The following KIAA1217 variants were observed in gnomAD, a reference collection of about 807,000 sequenced individuals.
The protein encoded by KIAA1217 is KIAA1217, also known as sickle tail protein homolog.
Under a neutral mutation model 163.9 loss-of-function variants are expected in KIAA1217, and 88 were observed. That is an observed-to-expected ratio of 0.54 (90% confidence interval 0.45 to 0.64). KIAA1217 has a LOEUF of 0.64. Among genes scored for constraint, KIAA1217 ranks in the 30% least tolerant of loss-of-function variants. The pLI is 0.00. For missense variants in KIAA1217, 2,372 were observed against 2,475.0 expected (o/e 0.96, Z 0.88); for synonymous variants, 903 against 923.1 (o/e 0.98, Z 0.39).
chr10:23,860,032 A>G (rs1839879828), intron 1 of KIAA1217, among the ~76,000 whole-genome samples: 1 of 152,130 alleles, frequency 6.6e-6, no homozygotes, highest in Admixed American at 6.5e-5. Context: ...TTGTCTATGT[A>G]TAGGAGGGCT....
intron 1 of KIAA1217, among the ~76,000 whole-genome samples, chr10:23,824,655 AAAAATATAT>A (rs1837802198): frequency 9.3e-6 from 1 of 107,826 alleles, no homozygotes; most frequent in Non-Finnish European, 1.8e-5. Context: ...AAAAAATAAA[AAAAATATAT>A]ATATATATAT....
intron 1 of KIAA1217, among the ~76,000 whole-genome samples, chr10:23,803,142 T>C (rs1836554072): frequency 6.6e-6 from 1 of 152,198 alleles, no homozygotes; most frequent in Non-Finnish European, 1.5e-5. Context: ...GTTGACTCAC[T>C]GTCCTAAGAA....
At chr10:23,737,957 T>A (rs1383076728) in intron 1 of KIAA1217, among the ~76,000 whole-genome samples, 1 of 152,118 alleles carries the variant, frequency 6.6e-6, no homozygotes, top group Non-Finnish European at 1.5e-5. Flanking sequence ...TGTAGCTGAT[T>A]TTTTTATAAT....
intron 1 of KIAA1217, among the ~76,000 whole-genome samples, chr10:23,812,045 A>T (rs1837085823): frequency 6.6e-6 from 1 of 152,122 alleles, no homozygotes; most frequent in African/African-American, 2.4e-5. Context: ...TGTTTGTGTC[A>T]CTGCACTCCA....
chr10:24,295,094 A>C (rs2040431958), intron 2 of KIAA1217, among the ~76,000 whole-genome samples: 1 of 152,244 alleles, frequency 6.6e-6, no homozygotes, highest in Non-Finnish European at 1.5e-5. Context: ...AAATATGGTC[A>C]GTGAGGCTAA....
chr10:23,981,468 C>A (rs570411104), intron 1 of KIAA1217, among the ~76,000 whole-genome samples: 28 of 152,258 alleles, frequency 1.8e-4, no homozygotes, highest in Middle Eastern at 3.4e-3. Flanking sequence ...CTACTGGTGA[C>A]CTTTAATTCA....
At chr10:23,733,614 GT>G (rs1838608235) in intron 1 of KIAA1217, among the ~76,000 whole-genome samples, 1 of 143,872 alleles carries the variant, frequency 7.0e-6, no homozygotes, top group African/African-American at 2.6e-5. Context: ...TATTATTTTT[GT>G]TGTTATGTTT....
intron 11 of KIAA1217, among the ~76,000 whole-genome samples, chr10:24,521,046 T>A (rs961492435): frequency 2.1e-5 from 3 of 144,558 alleles, no homozygotes; most frequent in Non-Finnish European, 3.0e-5. Flanking sequence ...AAAAAAGTTT[T>A]TTTTTTTTTT....
chr10:24,076,753 G>C (rs1427123953), intron 2 of KIAA1217, among the ~76,000 whole-genome samples: 1 of 152,120 alleles, frequency 6.6e-6, no homozygotes, highest in Non-Finnish European at 1.5e-5. Context: ...TTTATGCTAA[G>C]AGAATTCTAG....
intron 1 of KIAA1217, among the ~76,000 whole-genome samples, chr10:23,745,174 C>T (rs111581252): frequency 6.6e-6 from 1 of 152,124 alleles, no homozygotes; most frequent in African/African-American, 2.4e-5. Flanking sequence ...TTGTTGCCAA[C>T]AAAACATGAA....
In KIAA1217 at chr10:24,546,418, T is replaced by C. The variant is rs1381247866; in HGVS notation, c.*94T>C. The C allele has an allele frequency of 7.9e-7, 1 of 1,260,778 alleles. No homozygotes were observed. The highest frequency in any genetic ancestry group is 1.5e-5 in the African/African-American group (1 of 66,404). 78.1% of individuals were successfully genotyped at this position (1,260,778 alleles called of 1,614,324 possible). A position where few individuals can be genotyped will look rare whatever the true frequency, so the allele number is the denominator to read the frequency against. ...TTCACAAGAGAATGTAACATATTGC[T>C]GTATCGTTTGAGGCTTAATGCTAAA... On this transcript the variant is annotated 3_prime_UTR_variant, in exon 21 of 21. Coordinates refer to ENST00000376454, the MANE Select transcript of KIAA1217 (RefSeq NM_019590.5).
intron 5 of KIAA1217, among the ~76,000 whole-genome samples, chr10:24,464,574 C>A (rs1390800721): frequency 6.6e-6 from 1 of 152,134 alleles, no homozygotes; most frequent in Admixed American, 6.5e-5. Context: ...GCCTCTCAAC[C>A]TCTCAGGCTC....
chr10:23,792,468 ACT>A (rs1023274274), intron 1 of KIAA1217, among the ~76,000 whole-genome samples: 3 of 151,142 alleles, frequency 2.0e-5, no homozygotes, highest in Admixed American at 6.6e-5. Context: ...ACCTCTTTTT[ACT>A]CTTTTTATTT....
chr10:24,396,573 A>G (rs1159499583), intron 3 of KIAA1217, among the ~76,000 whole-genome samples: 1 of 152,186 alleles, frequency 6.6e-6, no homozygotes, highest in Non-Finnish European at 1.5e-5. Context: ...TGAAAGATGG[A>G]CAGGGGGAGC....
chr10:23,799,640 T>C (rs1254264848), intron 1 of KIAA1217, among the ~76,000 whole-genome samples: 1 of 152,208 alleles, frequency 6.6e-6, no homozygotes, highest in Non-Finnish European at 1.5e-5. Flanking sequence ...AATTAATTTC[T>C]GATGTTTTGA....
At chr10:24,450,063 A>G (rs962141153) in intron 5 of KIAA1217, among the ~76,000 whole-genome samples, 3 of 152,202 alleles carry the variant, frequency 2.0e-5, no homozygotes, top group African/African-American at 7.2e-5. Flanking sequence ...AAGTGCCAAC[A>G]CAGTTTGCTT....
chr10:24,235,417 A>G (rs1296946090), intron 2 of KIAA1217, among the ~76,000 whole-genome samples: 4 of 152,234 alleles, frequency 2.6e-5, no homozygotes, highest in African/African-American at 9.6e-5. Flanking sequence ...GTTGGGGTCC[A>G]TGTTTCATTA....
At chr10:24,300,995 T>C (rs571923532) in intron 2 of KIAA1217, among the ~76,000 whole-genome samples, 2 of 152,268 alleles carry the variant, frequency 1.3e-5, no homozygotes, top group East Asian at 3.9e-4. Context: ...GTATTTTTAG[T>C]AGGCACAGGG....
chr10:24,542,937 G>C lies in KIAA1217; in HGVS notation c.3667G>C (p.Glu1223Gln), dbSNP rs753763828. Residue 1223 changes from glutamate (E) to glutamine (Q), a missense_variant, in exon 19 of 21, where the codon GAG becomes CAG. Transcript: ENST00000376454. ...CCCTCCTAAGTGGGAAAGAGGAATG[G>C]AGAATAGTATTTCTGATGCATCAAG... ...SDPPKWERGM[E>Q]NSISDASRTS... 1.2e-6 allele frequency: 2 copies of C among 1,613,456 alleles called. No individual in the cohort carries two copies. Among genetic ancestry groups the C allele is most frequent in the Non-Finnish European group, 1.7e-6 (2 of 1,179,834 alleles).
Sources: allele counts gnomAD v4.1 joint callset (sites outside exome capture counted in the v4.1 genomes callset), GRCh38; gene constraint gnomAD v4.1.1; transcripts MANE v1.5; gene names NCBI Gene and HGNC (gene_info 2026-07-23, HGNC 2026-07-21).